ADAMTS17: variants seen among roughly 807,000 people sequenced by gnomAD.
The protein encoded by ADAMTS17 is A disintegrin and metalloproteinase with thrombospondin motifs 17.
A neutral mutation model predicts 141.5 loss-of-function variants in ADAMTS17; 113 were observed. That is an observed-to-expected ratio of 0.80 (90% CI 0.69 to 0.93). ADAMTS17 has a LOEUF of 0.93. ADAMTS17 is among the 40% of genes least tolerant of loss of function. The pLI, the probability that ADAMTS17 is intolerant of heterozygous loss-of-function variation, is 0.00. For missense variants in ADAMTS17, 1,659 were observed against 1,517.9 expected (o/e 1.09, Z -1.54); for synonymous variants, 768 against 630.6 (o/e 1.22, Z -3.27).
intron 15 of ADAMTS17, among the ~76,000 whole-genome samples, chr15:100,088,637 C>A (rs1026002609): frequency 4.6e-5 from 7 of 151,974 alleles, no homozygotes; most frequent in African/African-American, 1.5e-4. Context: ...GGTACCAAAA[C>A]AGAGATATAG....
At chr15:100,270,256 T>C (rs1850281237) in intron 4 of ADAMTS17, among the ~76,000 whole-genome samples, 1 of 152,234 alleles carries the variant, frequency 6.6e-6, no homozygotes, top group South Asian at 2.1e-4. Context: ...CCAGGCATTC[T>C]TTCTTGGTGC....
At chr15:100,305,648 G>C (rs1470477597) in intron 3 of ADAMTS17, among the ~76,000 whole-genome samples, 1 of 152,154 alleles carries the variant, frequency 6.6e-6, no homozygotes, top group East Asian at 1.9e-4. Flanking sequence ...TACATTCTGA[G>C]GACACTTAGA....
At chr15:100,155,068 A>T in intron 9 of ADAMTS17, 112 bp downstream of exon 9, 1 of 1,543,034 alleles carries the variant, frequency 6.5e-7, no homozygotes, top group Non-Finnish European at 8.9e-7. Flanking sequence ...GCTAGATGCA[A>T]ATCCCAAAAG....
intron 14 of ADAMTS17, among the ~76,000 whole-genome samples, chr15:100,100,319 C>T (rs11247152): frequency 0.56 from 84,756 of 151,932 alleles, 23,779 homozygotes; most frequent in South Asian, 0.59. Context: ...CTGCTTTTTC[C>T]GATTTTTCAT....
At chr15:100,258,492 G>A (rs1227397904) in intron 6 of ADAMTS17, among the ~76,000 whole-genome samples, 2 of 152,202 alleles carry the variant, frequency 1.3e-5, no homozygotes, top group Admixed American at 1.3e-4. Flanking sequence ...AGTTCCACAT[G>A]GCTGGGGAGG....
At chr15:100,251,029 T>C (rs1423292344) in intron 7 of ADAMTS17, among the ~76,000 whole-genome samples, 2 of 152,172 alleles carry the variant, frequency 1.3e-5, no homozygotes, top group Non-Finnish European at 2.9e-5. Flanking sequence ...AAGCAAAATA[T>C]GACACGTTAA....
intron 15 of ADAMTS17, among the ~76,000 whole-genome samples, chr15:100,077,845 T>C (rs2034484387): frequency 2.0e-5 from 3 of 152,160 alleles, no homozygotes; most frequent in Admixed American, 2.0e-4. Context: ...GATGCTAAAA[T>C]CTTATATACA....
intron 7 of ADAMTS17, among the ~76,000 whole-genome samples, chr15:100,205,250 GA>G (rs2041491316): frequency 6.6e-6 from 1 of 152,166 alleles, no homozygotes; most frequent in African/African-American, 2.4e-5. Flanking sequence ...ACTCCTACAA[GA>G]TAACATTTTC....
chr15:100,090,672 C>T (rs181179408), intron 15 of ADAMTS17, among the ~76,000 whole-genome samples: 12 of 152,256 alleles, frequency 7.9e-5, no homozygotes, highest in East Asian at 1.9e-4. Flanking sequence ...CTTATGCATG[C>T]GCTCTGCTAA....
chr15:100,267,257 T>C (rs1253072914), intron 4 of ADAMTS17, among the ~76,000 whole-genome samples: 1 of 152,114 alleles, frequency 6.6e-6, no homozygotes, highest in Non-Finnish European at 1.5e-5. Flanking sequence ...TTTGTGTCAC[T>C]TGGCATACTG....
At chr15:100,204,422 C>A (rs2041454117) in intron 7 of ADAMTS17, among the ~76,000 whole-genome samples, 1 of 152,226 alleles carries the variant, frequency 6.6e-6, no homozygotes, top group Non-Finnish European at 1.5e-5. Flanking sequence ...CTGCCATACA[C>A]CAACCATAGT....
At chr15:100,229,661 T>G (rs1224064513) in intron 7 of ADAMTS17, among the ~76,000 whole-genome samples, 1 of 152,090 alleles carries the variant, frequency 6.6e-6, no homozygotes, top group East Asian at 1.9e-4. Context: ...AGGCAACCAC[T>G]CAAAGGTCAC....
At chr15:100,176,869 T>C (rs546536079) in intron 8 of ADAMTS17, among the ~76,000 whole-genome samples, 1 of 152,384 alleles carries the variant, frequency 6.6e-6, no homozygotes, top group East Asian at 1.9e-4. Context: ...ATGCATTATG[T>C]ATGCTTTTGA....
intron 15 of ADAMTS17, among the ~76,000 whole-genome samples, chr15:100,082,344 G>A (rs1356597358): frequency 3.3e-5 from 5 of 151,416 alleles, no homozygotes; most frequent in Admixed American, 6.6e-5. Flanking sequence ...GATTACAGGC[G>A]TGAGCCACCG....
In ADAMTS17 at chr15:100,265,855, G is replaced by A. The variant is rs1290200064; in HGVS notation, c.790-3420C>T. Among the ~76,000 whole-genome samples the A allele has an allele frequency of 2.0e-5, 3 of 152,340 alleles. No homozygotes were observed. In the East Asian group the frequency reaches 5.8e-4, roughly 29 times the overall value. ...CATGACCTGGGCACTTGTTGGAAAT[G>A]CACATTCTGGAGTCCACCCCAGCCC... On this transcript the variant is annotated intron_variant, in intron 4 of 21. Transcript: ENST00000268070.
intron 18 of ADAMTS17, among the ~76,000 whole-genome samples, chr15:100,046,788 A>G (rs1295068151): frequency 1.3e-5 from 2 of 152,318 alleles, no homozygotes; most frequent in African/African-American, 4.8e-5. Flanking sequence ...GAGGCTGTAT[A>G]TCGCCTCAGG....
intron 19 of ADAMTS17, among the ~76,000 whole-genome samples, chr15:99,995,310 T>C (rs2060778082): frequency 6.6e-6 from 1 of 152,246 alleles, no homozygotes; most frequent in Non-Finnish European, 1.5e-5. Flanking sequence ...CTAAGTTCAC[T>C]CTTGCCTGGC....
At chr15:100,090,920 A>G (rs749300898) in intron 15 of ADAMTS17, among the ~76,000 whole-genome samples, 3 of 149,790 alleles carry the variant, frequency 2.0e-5, no homozygotes, top group Non-Finnish European at 4.4e-5. Flanking sequence ...AGGCGGGGGA[A>G]TAGCTTGAAC....
intron 8 of ADAMTS17, among the ~76,000 whole-genome samples, chr15:100,178,414 T>C (rs900640467): frequency 6.6e-6 from 1 of 152,196 alleles, no homozygotes; most frequent in Admixed American, 6.5e-5. Context: ...CAGAGAAATG[T>C]GACATTTATT....
Sources: gnomAD v4.1 joint callset for allele counts (sites outside exome capture counted in the v4.1 genomes callset) on GRCh38, gnomAD v4.1.1 for gene constraint, MANE v1.5 for transcripts, NCBI Gene and HGNC (gene_info 2026-07-23, HGNC 2026-07-21) for gene names.